PRKAB2: variants seen among roughly 807,000 people sequenced by gnomAD.
PRKAB2 encodes protein kinase AMP-activated non-catalytic subunit beta 2.
A neutral mutation model predicts 29.8 loss-of-function variants in PRKAB2; 18 were observed. The ratio of observed to expected loss-of-function variants is 0.60; its 90% CI spans 0.42 to 0.89. The LOEUF (loss-of-function observed/expected upper bound fraction) is 0.89. Ranked by LOEUF, PRKAB2 falls within the 40% of genes least tolerant of loss-of-function variation. The probability of loss-of-function intolerance (pLI) is 0.00; values close to 1 mark genes in which losing one functional copy is unlikely to be tolerated. For missense variants in PRKAB2, 270 were observed against 344.3 expected (o/e 0.78, Z 1.71); for synonymous variants, 136 against 125.9 (o/e 1.08, Z -0.54).
At position 147,162,814 on chromosome 1, in the gene PRKAB2, T is replaced by C. The variant is rs115941812; in HGVS notation, c.539-241A>G. 4.9e-3 allele frequency among the ~76,000 whole-genome samples: 747 copies of C among 152,102 alleles called. 3 individuals carry two copies. Among genetic ancestry groups the C allele is most frequent in the Middle Eastern group, 0.014 (4 of 294 alleles). On this transcript the variant is annotated intron_variant, in intron 5 of 7. Coordinates refer to ENST00000254101, the MANE Select transcript of PRKAB2 (RefSeq NM_005399.5). ...GGGAGACAGACAAAGATATAAAGAC[T>C]CAAAGACCCAGGCTCAGGGAAGAGC...
intron 5 of PRKAB2, 136 bp from the exon 6 acceptor site, chr1:147,162,709 A>G (rs1329017406): frequency 5.4e-6 from 5 of 926,148 alleles, no homozygotes; most frequent in African/African-American, 5.1e-5. Context: ...TGTGGGATCT[A>G]CAGCTGTAAG....
intron 7 of PRKAB2, among the ~76,000 whole-genome samples, chr1:147,161,380 C>T (rs1653950151): frequency 8.7e-6 from 1 of 114,614 alleles, no homozygotes; most frequent in Non-Finnish European, 1.7e-5. Context: ...ATTCTTTGAA[C>T]TGGAAGCTAA....
At chr1:147,163,112 G>A (rs1654054058) in intron 5 of PRKAB2, among the ~76,000 whole-genome samples, 1 of 152,102 alleles carries the variant, frequency 6.6e-6, no homozygotes, top group South Asian at 2.1e-4. Context: ...TGTCATTAGG[G>A]AAATGCAAAT....
At chr1:147,161,916 C>T in intron 6 of PRKAB2, 136 bp from the exon 7 acceptor site, 1 of 656,930 alleles carries the variant, frequency 1.5e-6, no homozygotes, top group South Asian at 2.1e-5. Flanking sequence ...CAATAATGCA[C>T]CCACTCTAGT....
rs587681978 is a variant in PRKAB2 at position 147,162,352 on chromosome 1, T to C, written c.672+88A>G. ...GACTTATAATCTCAACACACCTCTGTAGTAATCCTAACCTCTAGGATTACT... is the reference window on the plus strand; with the variant it reads ...GACTTATAATCTCAACACACCTCTGCAGTAATCCTAACCTCTAGGATTACT... On this transcript the variant is annotated intron_variant, in intron 6 of 7. Transcript: ENST00000254101. 1.4e-5 allele frequency: 19 copies of C among 1,331,590 alleles called. No individual in the cohort carries two copies. The East Asian group carries it at 2.1e-4, about 15-fold the overall frequency. The allele number at this position is 1,331,590 out of a possible 1,614,324, so 82.5% of individuals were successfully genotyped here.
intron 6 of PRKAB2, 55 bp downstream of exon 6, chr1:147,162,385 G>A: frequency 6.6e-7 from 1 of 1,512,390 alleles, no homozygotes; most frequent in Non-Finnish European, 9.0e-7. Flanking sequence ...ACTGAACTTT[G>A]GTCCAAATGG....
At chr1:147,167,246 C>A (rs1411260412) in intron 3 of PRKAB2, among the ~76,000 whole-genome samples, 1 of 152,134 alleles carries the variant, frequency 6.6e-6, no homozygotes, top group Non-Finnish European at 1.5e-5. Flanking sequence ...AAGTTCCTCA[C>A]CAGTGCAAAT....
intron 5 of PRKAB2, among the ~76,000 whole-genome samples, chr1:147,163,668 T>TACAA (rs1654084465): frequency 2.0e-5 from 3 of 152,098 alleles, no homozygotes; most frequent in Non-Finnish European, 4.4e-5. Flanking sequence ...GCAAGACTTG[T>TACAA]GGTTGCCAGG....
At chr1:147,171,877 C>A in intron 2 of PRKAB2, 112 bp downstream of exon 2, 7 of 1,390,098 alleles carry the variant, frequency 5.0e-6, no homozygotes, top group African/African-American at 1.5e-5. Context: ...CCCTTTAATT[C>A]AAAAAACCAT....
chr1:147,170,174 C>G (rs72706501), intron 2 of PRKAB2, among the ~76,000 whole-genome samples: 5,588 of 152,154 alleles, frequency 0.037, 147 homozygotes, highest in South Asian at 0.094. Flanking sequence ...AGTAAAGAGG[C>G]TACATTGAGA....
intron 7 of PRKAB2, among the ~76,000 whole-genome samples, chr1:147,160,010 C>G (rs1571052052): frequency 6.6e-6 from 1 of 152,058 alleles, no homozygotes. Context: ...GGGCCTAAAA[C>G]TAGCAAGAAA....
rs1553914557 is a variant in PRKAB2 at position 147,172,169 on chromosome 1, T to C, written c.-23-2A>G. On this transcript the variant is annotated splice_acceptor_variant, in intron 1 of 7. Transcript: ENST00000254101. LOFTEE classifies it low-confidence loss of function (5UTR_SPLICE). The stretch of plus-strand genomic sequence containing the variant: ...TGGCTGCAGCTCGTCGGGGACCACC[T>C]ACCGCGGGGAACGACACCGGGCTGG... 1 of 1,531,722 alleles carries C rather than the reference T, an allele frequency of 6.5e-7. No homozygotes were observed. Among genetic ancestry groups the C allele is most frequent in the African/African-American group, 1.4e-5 (1 of 72,470 alleles). 94.9% of individuals were successfully genotyped at this position (1,531,722 alleles called of 1,614,324 possible).
intron 6 of PRKAB2, 47 bp from the exon 7 acceptor site, chr1:147,161,827 T>G (rs781875394): frequency 5.5e-6 from 8 of 1,458,598 alleles, no homozygotes; most frequent in Non-Finnish European, 6.6e-6. Context: ...TAAATGAAAT[T>G]AATGCACAGA....
chr1:147,159,463 C>T lies in PRKAB2; in HGVS notation c.*102G>A. On this transcript the variant is annotated 3_prime_UTR_variant, in exon 8 of 8. Coordinates refer to ENST00000254101, the MANE Select transcript of PRKAB2 (RefSeq NM_005399.5). ...AGAGGCTCTGAAACACACATATCAG[C>T]CTCAAAGCAAATCAGCCTTCCAGTC... 1 of 1,013,392 alleles carries T rather than the reference C, an allele frequency of 9.9e-7. No homozygotes were observed. Among genetic ancestry groups the T allele is most frequent in the Non-Finnish European group, 1.5e-6 (1 of 668,244 alleles). 62.8% of individuals were successfully genotyped at this position (1,013,392 alleles called of 1,614,324 possible).
In PRKAB2 at chr1:147,164,008, C is replaced by T. The variant is rs771123462; in HGVS notation, c.539-1435G>A. On this transcript the variant is annotated intron_variant, in intron 5 of 7. Transcript: ENST00000254101. ...CTGGAGTGCAGTGGCTTGATCACGGCTCACTACAGCCTTGACCTCCTGGGC... is the reference window on the plus strand; with the variant it reads ...CTGGAGTGCAGTGGCTTGATCACGGTTCACTACAGCCTTGACCTCCTGGGC... 1.3e-4 allele frequency among the ~76,000 whole-genome samples: 20 copies of T among 152,226 alleles called. 2 individuals carry two copies. The highest frequency in any genetic ancestry group is 3.4e-3 in the Middle Eastern group (1 of 294).
rs1553912357 is a variant in PRKAB2 at position 147,155,713 on chromosome 1, AACT to A, written c.*3849_*3851del. ...GTGCTACATACAATCAATTCAAGTT[AACT>A]CCAACTAATATTGGAACTAATAAAA... On this transcript the variant is annotated 3_prime_UTR_variant, in exon 8 of 8. Coordinates refer to ENST00000254101, the MANE Select transcript of PRKAB2 (RefSeq NM_005399.5). 1 of 152,596 alleles carries A rather than the reference AACT, an allele frequency of 6.6e-6. No homozygotes were observed. Among genetic ancestry groups the A allele is most frequent in the Admixed American group, 6.5e-5 (1 of 15,268 alleles). The allele number at this position is 152,596 out of a possible 1,614,324, so 9.5% of individuals were successfully genotyped here.
chr1:147,161,749 T>C lies in PRKAB2; in HGVS notation c.704A>G (p.His235Arg), dbSNP rs200135639. The C allele has an allele frequency of 7.4e-6, 12 of 1,612,958 alleles. No individual in the cohort carries two copies. The Admixed American group carries it at 1.5e-4, about 20-fold the overall frequency. The change falls in exon 7 of 8, where the codon CAT becomes CGT. Residue 235 changes from histidine (H) to arginine (R), a missense_variant. Transcript: ENST00000254101. ...TGCATAGAGATGGTTCAGCATAACA[T>C]GGTTGGGCTCAGGGAGTAAGGCTGG... is the stretch of plus-strand genomic sequence containing the variant. ...CDPALLPEPN[H>R]VMLNHLYALS...
chr1:147,167,892 C>G lies in PRKAB2; in HGVS notation c.198G>C (p.Leu66Phe), dbSNP rs1553913883. The part of the protein sequence containing the change: ...DKEFVSWQQD[L>F]EDSVKPTQQA... ...GCTGTGTGGGCTTTACGGAGTCCTCCAAATCCTGCTGCCATGATACAAACT... is the reference window on the plus strand; with the variant it reads ...GCTGTGTGGGCTTTACGGAGTCCTCGAAATCCTGCTGCCATGATACAAACT... The change falls in exon 3 of 8, where the codon TTG (leucine) becomes TTC (phenylalanine). Residue 66 changes from leucine to phenylalanine, a missense_variant. Around this residue, in one of 2 missense-constraint regions of PRKAB2, gnomAD observed 228 missense variants for 255.5 expected, o/e 0.89. Coordinates refer to ENST00000254101, the MANE Select transcript of PRKAB2 (RefSeq NM_005399.5). 6.2e-7 allele frequency: 1 copy of G among 1,613,994 alleles called. No individual in the cohort carries two copies. The highest frequency in any genetic ancestry group is 1.3e-5 in the African/African-American group (1 of 75,020).
chr1:147,163,325 C>T (rs1571057374), intron 5 of PRKAB2, among the ~76,000 whole-genome samples: 2 of 152,190 alleles, frequency 1.3e-5, no homozygotes, highest in South Asian at 4.1e-4. Context: ...TACCACATGA[C>T]CCAGCATTAT....
Sources: gnomAD v4.1 joint callset for allele counts (sites outside exome capture counted in the v4.1 genomes callset) on GRCh38, gnomAD v4.1.1 for gene constraint, gnomAD v4.1.1 regional missense constraint, MANE v1.5 for transcripts, NCBI Gene and HGNC (gene_info 2026-07-23, HGNC 2026-07-21) for gene names.